TRERF1: variants seen among roughly 807,000 people sequenced by gnomAD.
The protein encoded by TRERF1 is transcriptional-regulating factor 1.
A neutral mutation model predicts 122.9 loss-of-function variants in TRERF1; 27 were observed. That is an observed-to-expected ratio of 0.22 (90% confidence interval 0.16 to 0.30). The LOEUF (loss-of-function observed/expected upper bound fraction) is 0.30, where lower values mean the gene tolerates loss of function less well. Ranked by LOEUF, TRERF1 falls within the 10% of genes least tolerant of loss-of-function variation. The probability of loss-of-function intolerance (pLI) is 1.00; values close to 1 mark genes in which losing one functional copy is unlikely to be tolerated. For missense variants in TRERF1, 1,248 were observed against 1,560.3 expected (o/e 0.80, Z 3.37); for synonymous variants, 636 against 641.7 (o/e 0.99, Z 0.13).
intron 2 of TRERF1, among the ~76,000 whole-genome samples, chr6:42,405,405 C>T (rs1780018065): frequency 6.6e-6 from 1 of 152,142 alleles, no homozygotes. Flanking sequence ...GAATGATTAG[C>T]CCCACCCAGA....
chr6:42,379,012 C>T (rs1482391466), intron 2 of TRERF1, among the ~76,000 whole-genome samples: 1 of 152,008 alleles, frequency 6.6e-6, no homozygotes, highest in Middle Eastern at 3.2e-3. Flanking sequence ...CCAAGCTACG[C>T]AGGAGGCTGA....
intron 2 of TRERF1, among the ~76,000 whole-genome samples, chr6:42,381,475 C>T (rs1187916444): frequency 6.6e-6 from 1 of 152,020 alleles, no homozygotes; most frequent in Non-Finnish European, 1.5e-5. Context: ...TCAGCTTCAC[C>T]TAACGACTTC....
chr6:42,320,139 G>T (rs1041257773), intron 3 of TRERF1, among the ~76,000 whole-genome samples: 1 of 152,026 alleles, frequency 6.6e-6, no homozygotes, highest in Non-Finnish European at 1.5e-5. Flanking sequence ...GACCTCAAAT[G>T]ATCCACCTGG....
chr6:42,401,057 C>T (rs984544371), intron 2 of TRERF1, among the ~76,000 whole-genome samples: 3 of 152,202 alleles, frequency 2.0e-5, no homozygotes, highest in Non-Finnish European at 4.4e-5. Context: ...ACCAGAAAAG[C>T]ACGGCCCTGT....
intron 3 of TRERF1, among the ~76,000 whole-genome samples, chr6:42,302,063 C>G (rs956255057): frequency 1.3e-5 from 2 of 152,128 alleles, no homozygotes; most frequent in Non-Finnish European, 2.9e-5. Context: ...GGAGCCCTGT[C>G]TGCCTCCACC....
chr6:42,228,529 C>A lies in TRERF1; in HGVS notation c.3419G>T (p.Gly1140Val). Residue 1140 changes from glycine (G) to valine (V), a missense_variant, in exon 18 of 18, where the codon GGG becomes GTG. Physicochemically the swap from Gly to Val is moderately radical, Grantham distance 109. Around this residue, in one of 5 missense-constraint regions of TRERF1, gnomAD observed 84 missense variants for 116.0 expected, o/e 0.72. Transcript: ENST00000372922. The surrounding 1 kb of genome is among the most constrained non-coding windows in gnomAD (Gnocchi z 4.2). Reference sequence around the variant, plus strand: ...GTCCAGGGGCAGCAGCCCCGGCGCCCCCACGGGCCCCGTAGTCCTCTCAAT... The same window carrying A: ...GTCCAGGGGCAGCAGCCCCGGCGCCACCACGGGCCCCGTAGTCCTCTCAAT... The A allele has an allele frequency of 1.2e-6, 2 of 1,614,198 alleles. No individual in the cohort carries two copies. The highest frequency in any genetic ancestry group is 1.7e-6 in the Non-Finnish European group (2 of 1,180,040).
intron 4 of TRERF1, among the ~76,000 whole-genome samples, chr6:42,294,706 C>G (rs1784818516): frequency 6.6e-6 from 1 of 152,134 alleles, no homozygotes; most frequent in Admixed American, 6.5e-5. Flanking sequence ...CGCAATAACC[C>G]TGGCACCCCA....
intron 2 of TRERF1, among the ~76,000 whole-genome samples, chr6:42,434,516 A>C (rs568252306): frequency 3.9e-5 from 6 of 152,144 alleles, no homozygotes; most frequent in Non-Finnish European, 8.8e-5. Context: ...AAAGGACTGA[A>C]AGAAAATAAA....
At chr6:42,371,647 T>C (rs1482550625) in intron 2 of TRERF1, among the ~76,000 whole-genome samples, 6 of 152,126 alleles carry the variant, frequency 3.9e-5, no homozygotes, top group South Asian at 2.1e-4. Flanking sequence ...AAAACACAGA[T>C]TGGCATGCTC....
chr6:42,245,117 G>A (rs994513828), intron 14 of TRERF1, among the ~76,000 whole-genome samples: 1 of 152,228 alleles, frequency 6.6e-6, no homozygotes, highest in Non-Finnish European at 1.5e-5. Flanking sequence ...TTAAAACCCA[G>A]GTTGCCTGGT....
intron 16 of TRERF1, 138 bp downstream of exon 16, chr6:42,236,067 C>T: frequency 7.4e-7 from 1 of 1,345,122 alleles, no homozygotes; most frequent in Non-Finnish European, 9.8e-7. Flanking sequence ...AAGCAGAAAA[C>T]AATGGCAACA....
intron 3 of TRERF1, among the ~76,000 whole-genome samples, chr6:42,301,495 T>G (rs1036429182): frequency 3.3e-5 from 5 of 152,252 alleles, no homozygotes; most frequent in Admixed American, 6.5e-5. Context: ...CCCAAAGTGC[T>G]GGGACTACAG....
chr6:42,292,089 G>T (rs1361909170), intron 4 of TRERF1, among the ~76,000 whole-genome samples: 1 of 152,140 alleles, frequency 6.6e-6, no homozygotes, highest in African/African-American at 2.4e-5. Context: ...CTGGGTTTCT[G>T]AGAAGATTAA....
chr6:42,304,702 AG>A (rs1332403619), intron 3 of TRERF1, among the ~76,000 whole-genome samples: 1 of 152,198 alleles, frequency 6.6e-6, no homozygotes. Flanking sequence ...CTTAGAAGTC[AG>A]TAGACCCTCC....
chr6:42,351,188 G>C (rs980506962), intron 3 of TRERF1, among the ~76,000 whole-genome samples: 4 of 152,310 alleles, frequency 2.6e-5, no homozygotes, highest in African/African-American at 9.6e-5. Flanking sequence ...AGATGCTACT[G>C]ATGACTGTAA....
intron 3 of TRERF1, among the ~76,000 whole-genome samples, chr6:42,333,537 C>T (rs1258769396): frequency 2.0e-5 from 3 of 152,236 alleles, no homozygotes; most frequent in East Asian, 1.9e-4. Context: ...TCAGAGGCTG[C>T]CCTGCACCCT....
intron 2 of TRERF1, among the ~76,000 whole-genome samples, chr6:42,442,258 T>C (rs907217027): frequency 6.6e-6 from 1 of 151,964 alleles, no homozygotes; most frequent in African/African-American, 2.4e-5. Context: ...CAGCTTTTTT[T>C]CTTTTCCTTT....
chr6:42,260,757 G>T (rs1011990609), intron 8 of TRERF1, among the ~76,000 whole-genome samples: 1 of 152,160 alleles, frequency 6.6e-6, no homozygotes, highest in Non-Finnish European at 1.5e-5. Context: ...GAAGCAGCAG[G>T]GGGTGATGGG....
At chr6:42,415,265 G>C (rs1398407871) in intron 2 of TRERF1, among the ~76,000 whole-genome samples, 2 of 151,802 alleles carry the variant, frequency 1.3e-5, no homozygotes, top group African/African-American at 4.8e-5. Context: ...ATTTTTAAGG[G>C]CTCTTTGTAT....
Sources: gnomAD v4.1 joint callset for allele counts (sites outside exome capture counted in the v4.1 genomes callset) on GRCh38, gnomAD v4.1.1 for gene constraint, gnomAD v4.1.1 regional missense constraint, Gnocchi (gnomAD v3.1) non-coding constraint, MANE v1.5 for transcripts, NCBI Gene and HGNC (gene_info 2026-07-23, HGNC 2026-07-21) for gene names.